The following CPLANE1 variants were observed in gnomAD, a reference collection of about 807,000 sequenced individuals.
CPLANE1 encodes ciliogenesis and planar polarity effector 1.
In CPLANE1, 263 loss-of-function variants were observed where a neutral mutation model predicts 362.5. The observed-to-expected ratio is 0.73, with a 90% CI of 0.66 to 0.80. The LOEUF is 0.80. Ranked by LOEUF, CPLANE1 falls within the 30% of genes least tolerant of loss-of-function variation. The pLI is 0.00. For missense variants in CPLANE1, 3,461 were observed against 3,793.4 expected, an observed-to-expected ratio of 0.91 and a Z score of 2.30; for synonymous variants, 1,212 against 1,302.6, an observed-to-expected ratio of 0.93 and a Z score of 1.50.
the CPLANE1 span, among the ~76,000 whole-genome samples, chr5:37,099,232 C>T: frequency 6.6e-6 from 1 of 152,124 alleles, no homozygotes. Context: ...CATCCCATCA[C>T]CTAGATATTA....
chr5:37,140,050 A>G, intron 44 of CPLANE1: 1 of 937,878 alleles, frequency 1.1e-6, no homozygotes, highest in South Asian at 4.9e-5. Context: ...GAAGCAATTT[A>G]CCTGTAAGAA....
At position 37,247,638 on chromosome 5, in the gene CPLANE1, G is replaced by C. The variant is rs376687322; in HGVS notation, c.61C>G (p.Arg21Gly). Residue 21 changes from arginine (R) to glycine (G), a missense_variant, in exon 2 of 53, where the codon CGT (arginine) becomes GGT (glycine). Physicochemically the swap from Arg to Gly is moderately radical, Grantham distance 125. Transcript: ENST00000651892. ...TGIKQKKPWP[R>G]VSWLGKEKEA... ...CCTACCTTTCCCAACCAGGAGACAC[G>C]TGGCCATGGTTTTTTCTGCTTAATA... 1 of 1,550,920 alleles carries C rather than the reference G, an allele frequency of 6.4e-7. No individual in the cohort carries two copies. The highest frequency in any genetic ancestry group is 2.0e-5 in the Admixed American group (1 of 50,898).
At position 37,110,857 on chromosome 5, in the gene CPLANE1, G is replaced by C. The variant is rs1201696770; in HGVS notation, c.9401-2386C>G. ...GAGTCTCACTCTGTCGCCCAGGCTGGAGTGCAGTGGCACTATCTTGGCTCA... is the reference window on the plus strand; with the variant it reads ...GAGTCTCACTCTGTCGCCCAGGCTGCAGTGCAGTGGCACTATCTTGGCTCA... On this transcript the variant is annotated intron_variant, in intron 51 of 52. Transcript: ENST00000651892. Among the ~76,000 whole-genome samples, 5 of 148,802 alleles carry C rather than the reference G, an allele frequency of 3.4e-5. No homozygotes were observed. The East Asian group carries it at 9.8e-4, about 29-fold the overall frequency.
In CPLANE1 at chr5:37,209,634, C is replaced by G. The variant is rs527484942; in HGVS notation, c.2921-3209G>C. The G allele has an allele frequency of 7.0e-7, 1 of 1,430,680 alleles. No individual in the cohort carries two copies. The highest frequency in any genetic ancestry group is 1.4e-5 in the African/African-American group (1 of 71,274). 88.6% of individuals were successfully genotyped at this position (1,430,680 alleles called of 1,614,324 possible). On this transcript the variant is annotated intron_variant, in intron 16 of 52. Transcript: ENST00000651892. The surrounding 1 kb of genome is among the most constrained non-coding windows in gnomAD (Gnocchi z 4.6). ...ACAAAGATGTGGCTGTGAATATTCA[C>G]TTTCTGTTTTCTTTCTAGAAAGTGG...
rs1561463426 is a variant in CPLANE1 at position 37,165,632 on chromosome 5, TC to T, written c.7439del (p.Arg2480AsnfsTer5). 1.2e-6 allele frequency: 2 copies of T among 1,611,756 alleles called. No individual in the cohort carries two copies. The highest frequency in any genetic ancestry group is 1.7e-5 in the Admixed American group (1 of 59,438). On this transcript the variant is annotated frameshift_variant, in exon 36 of 53. Transcript: ENST00000651892. LOFTEE classifies it high-confidence loss of function. ...TTGGTTTTCTCCTCAGTTTCTCACATCTTTTTTCTTGCAGCTCTTTCTCAGC... is the reference window on the plus strand; with the variant it reads ...TTGGTTTTCTCCTCAGTTTCTCACATTTTTTTCTTGCAGCTCTTTCTCAGC... The part of the protein sequence containing the change: ...RRAEKELQEK[R>X]CEKLRRKPNV...
chr5:37,077,196 T>TGAA, the CPLANE1 span, among the ~76,000 whole-genome samples: 1 of 152,098 alleles, frequency 6.6e-6, no homozygotes, highest in African/African-American at 2.4e-5. Context: ...TTTGCAGAGA[T>TGAA]GAAGAGTTGC....
rs1757907055 is a variant in CPLANE1, at chr5:37,107,677, G to A, written c.9681C>T (p.Asp3227=). The A allele has an allele frequency of 6.2e-7, 1 of 1,611,614 alleles. No homozygotes were observed. The highest frequency in any genetic ancestry group is 1.1e-5 in the South Asian group (1 of 90,408). The change falls in exon 53 of 53, where the codon GAC becomes GAT. Residue 3227 remains aspartate, a synonymous_variant. Transcript: ENST00000651892. ...ESTGSILSKL[D]WNAIEDMVAS... is the part of the protein sequence containing the mutation. ...CCACCATGTCTTCGATGGCATTCCA[G>A]TCCAGCTTGCTGAGGATGCTGCCAG... is the stretch of plus-strand genomic sequence containing the variant.
At position 37,125,775 on chromosome 5, in the gene CPLANE1, T is replaced by A. The variant is rs58089157; in HGVS notation, c.8793-366A>T. On this transcript the variant is annotated intron_variant, in intron 46 of 52. Coordinates refer to ENST00000651892, the MANE Select transcript of CPLANE1 (RefSeq NM_001384732.1). ...TAAAGGTTCTCCTTTTGACTTTTTTTAAACTTTTTAATTTTGTGGGTACAT... is the reference window on the plus strand; with the variant it reads ...TAAAGGTTCTCCTTTTGACTTTTTTAAAACTTTTTAATTTTGTGGGTACAT... 7.3e-3 allele frequency among the ~76,000 whole-genome samples: 1,111 copies of A among 152,336 alleles called. 17 individuals are homozygous for A. Among genetic ancestry groups the A allele is most frequent in the African/African-American group, 0.025 (1,044 of 41,584 alleles).
chr5:37,179,632 T>C (rs1580466369), intron 28 of CPLANE1, among the ~76,000 whole-genome samples, 189 bp from the exon 29 acceptor site: 1 of 152,332 alleles, frequency 6.6e-6, no homozygotes, highest in African/African-American at 2.4e-5. Flanking sequence ...CAGATGAGCC[T>C]TGAGAGGCCT....
intron 38 of CPLANE1, among the ~76,000 whole-genome samples, chr5:37,159,280 T>A (rs1231248176): frequency 1.3e-5 from 2 of 148,658 alleles, no homozygotes; most frequent in Admixed American, 1.3e-4. Context: ...CCCGGCTAAT[T>A]TTTTGTATTT....
chr5:37,211,815 G>C (rs1561619931), intron 16 of CPLANE1: 1 of 807,622 alleles, frequency 1.2e-6, no homozygotes, highest in East Asian at 2.4e-5. Flanking sequence ...GGACAAGCTA[G>C]CTTTTAAGGA....
At chr5:37,155,620 C>A (rs1382651183) in intron 41 of CPLANE1, among the ~76,000 whole-genome samples, 1 of 152,218 alleles carries the variant, frequency 6.6e-6, no homozygotes, top group African/African-American at 2.4e-5. Context: ...AGAAATCCAC[C>A]CGCCTTAGCC....
chr5:37,141,548 C>A (rs1769716166), intron 44 of CPLANE1: 1 of 976,872 alleles, frequency 1.0e-6, no homozygotes, highest in Non-Finnish European at 1.2e-6. Flanking sequence ...AATAGGTTTT[C>A]TTTTATTTAA....
chr5:37,144,253 C>T (rs1301895059), intron 43 of CPLANE1, among the ~76,000 whole-genome samples: 1 of 151,416 alleles, frequency 6.6e-6, no homozygotes, highest in African/African-American at 2.4e-5. Context: ...ACTAAAAATA[C>T]AAAAAATTAG....
chr5:37,236,411 T>A (rs1330677078), intron 8 of CPLANE1, among the ~76,000 whole-genome samples: 1 of 152,074 alleles, frequency 6.6e-6, no homozygotes, highest in Non-Finnish European at 1.5e-5. Context: ...CCTCTCATCA[T>A]ATACAAAAAT....
Position 37,184,868 on chromosome 5 carries a change from A to G in CPLANE1, c.4401T>C (p.Asp1467=). The part of the protein sequence containing the change: ...LSRSTLTELG[D]SVVHSDADTF... The stretch of plus-strand genomic sequence containing the variant: ...TATCTGCATCACTGTGAACCACAGA[A>G]TCTCCTAGTTCTGTGAGTGTACTTC... The change falls in exon 25 of 53, where the codon GAT becomes GAC. Residue 1467 remains aspartate, a synonymous_variant. Coordinates refer to ENST00000651892, the MANE Select transcript of CPLANE1 (RefSeq NM_001384732.1). The G allele has an allele frequency of 6.2e-7, 1 of 1,614,112 alleles. No homozygotes were observed. The highest frequency in any genetic ancestry group is 8.5e-7 in the Non-Finnish European group (1 of 1,179,976).
intron 29 of CPLANE1, among the ~76,000 whole-genome samples, chr5:37,179,094 T>C (rs1441271201): frequency 2.0e-5 from 3 of 152,212 alleles, no homozygotes; most frequent in African/African-American, 7.2e-5. Context: ...AGGACACATT[T>C]GCTACTCTTG....
intron 20 of CPLANE1, 28 bp from the exon 21 acceptor site, chr5:37,196,024 T>G (rs764690345): frequency 6.4e-7 from 1 of 1,572,976 alleles, no homozygotes; most frequent in Non-Finnish European, 8.6e-7. Flanking sequence ...CCGAACATGT[T>G]AATTATCAGC....
chr5:37,150,433 T>C (rs1773163148), intron 42 of CPLANE1, among the ~76,000 whole-genome samples: 1 of 152,148 alleles, frequency 6.6e-6, no homozygotes, highest in African/African-American at 2.4e-5. Context: ...TCAGCTGCTT[T>C]TGAGGAACTG....
Sources: allele counts gnomAD v4.1 joint callset (sites outside exome capture counted in the v4.1 genomes callset), GRCh38; gene constraint gnomAD v4.1.1; non-coding constraint Gnocchi (gnomAD v3.1); transcripts MANE v1.5; gene names NCBI Gene and HGNC (gene_info 2026-07-23, HGNC 2026-07-21).